Variants in KCNH7 observed in about 807,000 individuals in gnomAD.
KCNH7 encodes the protein voltage-gated inwardly rectifying potassium channel KCNH7.
In KCNH7, 49 loss-of-function variants were observed where a neutral mutation model predicts 120.8. The ratio of observed to expected loss-of-function variants is 0.41; its 90% confidence interval spans 0.32 to 0.51. KCNH7 has a LOEUF of 0.51. Ranked by LOEUF, KCNH7 falls within the 20% of genes least tolerant of loss-of-function variation. The pLI, the probability that KCNH7 is intolerant of heterozygous loss-of-function variation, is 0.38. For synonymous variants in KCNH7, 547 were observed against 516.1 expected, an observed-to-expected ratio of 1.06 and a Z score of -0.81; for missense variants, 1,097 against 1,446.6, an observed-to-expected ratio of 0.76 and a Z score of 3.92.
In KCNH7 at chr2:162,541,016, A is replaced by C. The variant is rs559536883; in HGVS notation, c.308-3936T>G. 7.2e-5 allele frequency among the ~76,000 whole-genome samples: 11 copies of C among 152,222 alleles called. No homozygotes were observed. The South Asian group carries it at 2.3e-3, about 32-fold the overall frequency. On this transcript the variant is annotated intron_variant, in intron 2 of 15. Transcript: ENST00000332142. ...GGACATAAGATAATGAGAGGTGTCC[A>C]AGTTGACAACAAATTTGGTAGCAGA...
At chr2:162,393,727 ACAATTAAATGTACACTCACTTGGGCTCC>A (rs1264450696) in intron 12 of KCNH7, among the ~76,000 whole-genome samples, 1 of 151,934 alleles carries the variant, frequency 6.6e-6, no homozygotes, top group Non-Finnish European at 1.5e-5. Flanking sequence ...TCTGCCAAGA[ACAATTAAATGTACACTCACTTGGGCTCC>A]CACTGAGGAA....
At chr2:162,402,901 C>A (rs1227254724) in intron 9 of KCNH7, among the ~76,000 whole-genome samples, 3 of 151,830 alleles carry the variant, frequency 2.0e-5, no homozygotes, top group Non-Finnish European at 4.4e-5. Flanking sequence ...TTCTCCATTT[C>A]CCTGAATGTG....
At chr2:162,811,514 A>G (rs1304753934) in intron 2 of KCNH7, among the ~76,000 whole-genome samples, 1 of 152,164 alleles carries the variant, frequency 6.6e-6, no homozygotes, top group Admixed American at 6.5e-5. Flanking sequence ...CCAACATCAC[A>G]TGACTCAAAA....
At position 162,536,454 on chromosome 2, in the gene KCNH7, G is replaced by A. The variant is rs76940263; in HGVS notation, c.463+471C>T. Among the ~76,000 whole-genome samples the A allele has an allele frequency of 3.6e-3, 554 of 151,996 alleles. 24 individuals are homozygous for A. The East Asian group carries it at 0.096, about 26-fold the overall frequency. Reference sequence around the variant, plus strand: ...GACACGCTTTGTTGGCATAGTTTTGGGGAAAAGGGCTAATTCATGGCTGGT... The same window carrying A: ...GACACGCTTTGTTGGCATAGTTTTGAGGAAAAGGGCTAATTCATGGCTGGT... On this transcript the variant is annotated intron_variant, in intron 3 of 15. Coordinates refer to ENST00000332142, the MANE Select transcript of KCNH7 (RefSeq NM_033272.4).
chr2:162,555,358 G>A (rs1692818626), intron 2 of KCNH7, among the ~76,000 whole-genome samples: 1 of 152,174 alleles, frequency 6.6e-6, no homozygotes, highest in Non-Finnish European at 1.5e-5. Flanking sequence ...AGTTTGTCTA[G>A]TTGTGCGAAA....
At chr2:162,729,526 T>C (rs1332846269) in intron 2 of KCNH7, among the ~76,000 whole-genome samples, 1 of 152,210 alleles carries the variant, frequency 6.6e-6, no homozygotes, top group Admixed American at 6.5e-5. Context: ...TCAACAGATT[T>C]GGTAACCTCA....
At chr2:162,436,867 T>C (rs1266337097) in intron 7 of KCNH7, among the ~76,000 whole-genome samples, 1 of 152,146 alleles carries the variant, frequency 6.6e-6, no homozygotes, top group Non-Finnish European at 1.5e-5. Flanking sequence ...CCCAGTACTT[T>C]GGCAGGCTGA....
At chr2:162,687,936 C>T (rs1298521122) in intron 2 of KCNH7, among the ~76,000 whole-genome samples, 1 of 152,048 alleles carries the variant, frequency 6.6e-6, no homozygotes, top group Non-Finnish European at 1.5e-5. Context: ...AAATGTTCAA[C>T]TAAAGCATAT....
At chr2:162,752,446 A>G (rs1442523050) in intron 2 of KCNH7, among the ~76,000 whole-genome samples, 1 of 152,200 alleles carries the variant, frequency 6.6e-6, no homozygotes, top group Non-Finnish European at 1.5e-5. Flanking sequence ...ATGTGTCATA[A>G]ACTTCATATC....
At chr2:162,403,692 T>G (rs1687127449) in intron 9 of KCNH7, among the ~76,000 whole-genome samples, 1 of 151,990 alleles carries the variant, frequency 6.6e-6, no homozygotes, top group Admixed American at 6.6e-5. Flanking sequence ...TCATATGATG[T>G]TAGCCCTTAA....
intron 2 of KCNH7, among the ~76,000 whole-genome samples, chr2:162,573,301 T>C (rs1175397677): frequency 6.6e-6 from 1 of 152,046 alleles, no homozygotes; most frequent in East Asian, 1.9e-4. Context: ...GTAAGAATAG[T>C]AGCTCATTCT....
At chr2:162,835,984 T>A (rs976573880) in intron 2 of KCNH7, among the ~76,000 whole-genome samples, 2 of 152,190 alleles carry the variant, frequency 1.3e-5, no homozygotes, top group Non-Finnish European at 2.9e-5. Context: ...ATTGTTTGAA[T>A]ATGCACAGGT....
intron 2 of KCNH7, among the ~76,000 whole-genome samples, chr2:162,687,805 T>C (rs1338360351): frequency 6.6e-6 from 1 of 152,192 alleles, no homozygotes; most frequent in Non-Finnish European, 1.5e-5. Flanking sequence ...AGACTGATTT[T>C]GTCTAACAAA....
At chr2:162,785,175 C>A (rs1683651525) in intron 2 of KCNH7, 1 of 152,156 alleles carries the variant, frequency 6.6e-6, no homozygotes, top group Non-Finnish European at 1.5e-5. Flanking sequence ...GTACTATTTC[C>A]AATTTAGTTT....
chr2:162,555,392 A>C (rs1196931353), intron 2 of KCNH7, among the ~76,000 whole-genome samples: 1 of 152,176 alleles, frequency 6.6e-6, no homozygotes. Context: ...CACTGATTAA[A>C]CAAGTTTCTG....
At chr2:162,774,880 A>T (rs1683178693) in intron 2 of KCNH7, among the ~76,000 whole-genome samples, 1 of 152,132 alleles carries the variant, frequency 6.6e-6, no homozygotes, top group South Asian at 2.1e-4. Flanking sequence ...ATTAATAATG[A>T]TATTAATTTT....
At chr2:162,447,768 T>C (rs1688633264) in intron 6 of KCNH7, among the ~76,000 whole-genome samples, 1 of 152,108 alleles carries the variant, frequency 6.6e-6, no homozygotes, top group Admixed American at 6.6e-5. Context: ...ATCTTATATT[T>C]ATTGTCATAT....
intron 2 of KCNH7, among the ~76,000 whole-genome samples, chr2:162,823,168 T>C (rs1020127501): frequency 1.3e-5 from 2 of 152,174 alleles, no homozygotes; most frequent in East Asian, 1.9e-4. Flanking sequence ...GAGGAAGTTA[T>C]TGAACTTCAT....
intron 2 of KCNH7, among the ~76,000 whole-genome samples, chr2:162,612,711 T>C (rs1410241554): frequency 6.6e-6 from 1 of 152,020 alleles, no homozygotes; most frequent in Non-Finnish European, 1.5e-5. Context: ...TATAATTTAG[T>C]GACTGAGTAT....
Sources: allele counts gnomAD v4.1 joint callset (sites outside exome capture counted in the v4.1 genomes callset), GRCh38; gene constraint gnomAD v4.1.1; transcripts MANE v1.5; gene names NCBI Gene and HGNC (gene_info 2026-07-23, HGNC 2026-07-21).